Variants in ARMC3 observed in about 807,000 individuals in gnomAD.
ARMC3 encodes armadillo repeat containing 3, also known as armadillo repeat-containing protein 3.
In ARMC3, 74 loss-of-function variants were observed where a neutral mutation model predicts 90.3. The observed-to-expected ratio is 0.82, with a 90% CI of 0.68 to 0.99. The LOEUF (loss-of-function observed/expected upper bound fraction) is 0.99. ARMC3 is among the 50% of genes least tolerant of loss of function. The pLI is 0.00. For missense variants in ARMC3, 958 were observed against 1,042.8 expected, an observed-to-expected ratio of 0.92 and a Z score of 1.12; for synonymous variants, 334 against 361.8, an observed-to-expected ratio of 0.92 and a Z score of 0.87.
chr10:22,990,973 C>T (rs547780351), intron 10 of ARMC3, among the ~76,000 whole-genome samples: 2 of 151,854 alleles, frequency 1.3e-5, no homozygotes, highest in African/African-American at 4.8e-5. Context: ...CCTTCTCCCC[C>T]TCTCTGCTTC....
intron 12 of ARMC3, among the ~76,000 whole-genome samples, chr10:23,002,574 CTTTCTTTCTT>C (rs1564385727): frequency 2.4e-4 from 13 of 54,626 alleles, no homozygotes; most frequent in Middle Eastern, 8.6e-3. Flanking sequence ...TTCTTTCTTT[CTTTCTTTCTT>C]TTTCTTTCTT....
intron 8 of ARMC3, among the ~76,000 whole-genome samples, chr10:22,969,061 A>T (rs1214308265): frequency 6.6e-6 from 1 of 152,244 alleles, no homozygotes; most frequent in African/African-American, 2.4e-5. Context: ...ATTTGGAATT[A>T]TATAGAAGGT....
intron 16 of ARMC3, among the ~76,000 whole-genome samples, chr10:23,011,399 A>T (rs1838008036): frequency 6.6e-6 from 1 of 152,242 alleles, no homozygotes. Context: ...TGTAAGCCTC[A>T]AGTAAGTCAC....
intron 16 of ARMC3, among the ~76,000 whole-genome samples, chr10:23,013,393 A>G (rs1416760425): frequency 1.3e-5 from 2 of 152,196 alleles, no homozygotes; most frequent in Non-Finnish European, 2.9e-5. Flanking sequence ...TGATCACACC[A>G]GGATAAACAT....
intron 10 of ARMC3, among the ~76,000 whole-genome samples, chr10:22,986,565 A>AC (rs1375368364): frequency 7.7e-5 from 11 of 142,922 alleles, no homozygotes; most frequent in African/African-American, 2.7e-4. Context: ...AAAAAAAACA[A>AC]AAAAAAAAAA....
At chr10:22,963,369 G>T (rs1253230225) in intron 7 of ARMC3, among the ~76,000 whole-genome samples, 1 of 152,138 alleles carries the variant, frequency 6.6e-6, no homozygotes, top group African/African-American at 2.4e-5. Context: ...TAGGAAATAT[G>T]TGAGAAGGGT....
intron 16 of ARMC3, among the ~76,000 whole-genome samples, chr10:23,011,074 T>C (rs1445738388): frequency 6.6e-6 from 1 of 151,630 alleles, no homozygotes; most frequent in Non-Finnish European, 1.5e-5. Context: ...TCCTTTTCTT[T>C]GTTTTGCTCT....
chr10:23,001,830 T>C (rs1193960345), intron 11 of ARMC3, 89 bp from the exon 12 acceptor site: 1 of 1,413,822 alleles, frequency 7.1e-7, no homozygotes, highest in Non-Finnish European at 9.6e-7. Context: ...GTTAAAACCT[T>C]TTAGCAATCA....
intron 16 of ARMC3, among the ~76,000 whole-genome samples, chr10:23,021,817 G>C (rs1357812181): frequency 2.0e-5 from 3 of 152,030 alleles, no homozygotes; most frequent in African/African-American, 4.8e-5. Flanking sequence ...TGCAGAAGCT[G>C]TTTGTTTTTT....
intron 10 of ARMC3, among the ~76,000 whole-genome samples, chr10:22,987,201 T>C (rs985412701): frequency 3.3e-5 from 5 of 152,244 alleles, no homozygotes; most frequent in African/African-American, 1.2e-4. Flanking sequence ...CTAAATTTCA[T>C]GTTACATTTA....
chr10:23,005,145 A>G (rs957517888), intron 13 of ARMC3, among the ~76,000 whole-genome samples: 1 of 145,382 alleles, frequency 6.9e-6, no homozygotes, highest in African/African-American at 2.6e-5. Flanking sequence ...CCCGGAAGGC[A>G]GAGCTTGTGG....
chr10:23,007,015 G>T, intron 14 of ARMC3, 34 bp downstream of exon 14: 1 of 1,452,604 alleles, frequency 6.9e-7, no homozygotes, highest in Non-Finnish European at 9.4e-7. Flanking sequence ...ATGAAGGGAA[G>T]CACATACTGC....
chr10:22,965,456 C>A (rs1301896984), intron 7 of ARMC3, among the ~76,000 whole-genome samples: 3 of 152,278 alleles, frequency 2.0e-5, no homozygotes, highest in Middle Eastern at 3.4e-3. Flanking sequence ...TTTTCTTTGG[C>A]TGCTTTCAAC....
chr10:22,954,982 T>C (rs1156324890), intron 3 of ARMC3, among the ~76,000 whole-genome samples: 1 of 152,040 alleles, frequency 6.6e-6, no homozygotes, highest in East Asian at 1.9e-4. Flanking sequence ...TGATGTAAAG[T>C]CCTAGAGTTC....
rs571872305 is a variant in ARMC3 at position 22,994,460 on chromosome 10, G to A, written c.1176-3688G>A. 3.3e-4 allele frequency among the ~76,000 whole-genome samples: 51 copies of A among 152,328 alleles called. 1 individual carries two copies. The highest frequency in any genetic ancestry group is 9.8e-4 in the Admixed American group (15 of 15,304). Reference sequence around the variant, plus strand: ...CTCCTGTAATTCCAGCACTTTGGGAGGCCGAGGTGGCAGGATTGCTTGAGG... The same window carrying A: ...CTCCTGTAATTCCAGCACTTTGGGAAGCCGAGGTGGCAGGATTGCTTGAGG... On this transcript the variant is annotated intron_variant, in intron 10 of 18. Transcript: ENST00000298032.
In ARMC3 at chr10:23,014,514, A is replaced by G. The variant is rs536442094; in HGVS notation, c.2045+5583A>G. ...AGCCATTGGGAATATTTTATGTTAA[A>G]AAGAGTGAGACAATAGCAAAGACAT... On this transcript the variant is annotated intron_variant, in intron 16 of 18. Transcript: ENST00000298032. 5.0e-6 allele frequency: 5 copies of G among 1,006,230 alleles called. 1 individual carries two copies. In the South Asian group the frequency reaches 2.1e-4, roughly 43 times the overall value. 62.3% of individuals were successfully genotyped at this position (1,006,230 alleles called of 1,614,324 possible).
At chr10:22,962,220 T>A in intron 7 of ARMC3, 142 bp downstream of exon 7, 1 of 554,954 alleles carries the variant, frequency 1.8e-6, no homozygotes, top group Non-Finnish European at 2.8e-6. Flanking sequence ...TTGGCCTGCT[T>A]AAATCAGGCT....
intron 7 of ARMC3, among the ~76,000 whole-genome samples, chr10:22,967,875 CAGT>C (rs1835508041): frequency 6.6e-6 from 1 of 152,200 alleles, no homozygotes; most frequent in Admixed American, 6.5e-5. Context: ...TGTGGGGATT[CAGT>C]AGATTTCCTC....
chr10:22,954,928 A>C (rs975492585), intron 3 of ARMC3, among the ~76,000 whole-genome samples: 1 of 152,176 alleles, frequency 6.6e-6, no homozygotes, highest in Non-Finnish European at 1.5e-5. Flanking sequence ...AAGGAGAGCC[A>C]GGGGTGTAAT....
Sources: allele counts gnomAD v4.1 joint callset (sites outside exome capture counted in the v4.1 genomes callset), GRCh38; gene constraint gnomAD v4.1.1; transcripts MANE v1.5; gene names NCBI Gene and HGNC (gene_info 2026-07-23, HGNC 2026-07-21).